TFB1M: variants seen among roughly 807,000 people sequenced by gnomAD.
TFB1M encodes the protein dimethyladenosine transferase 1, mitochondrial.
Under a neutral mutation model 31.1 loss-of-function variants are expected in TFB1M, and 27 were observed. The observed-to-expected ratio is 0.87, with a 90% CI of 0.64 to 1.20. The LOEUF (loss-of-function observed/expected upper bound fraction) is 1.20. Ranked by LOEUF, TFB1M falls within the 50% of genes most tolerant of loss-of-function variation. The pLI is 0.00. For missense variants in TFB1M, 394 were observed against 418.7 expected (o/e 0.94, Z 0.51); for synonymous variants, 166 against 151.8 (o/e 1.09, Z -0.69).
intron 2 of TFB1M, among the ~76,000 whole-genome samples, chr6:155,302,639 C>T (rs1777480396): frequency 6.6e-6 from 1 of 151,990 alleles, no homozygotes; most frequent in African/African-American, 2.4e-5. Flanking sequence ...AATCACATAA[C>T]CACTCGTATC....
chr6:155,300,407 A>G (rs1161197883), intron 2 of TFB1M, among the ~76,000 whole-genome samples: 1 of 152,208 alleles, frequency 6.6e-6, no homozygotes, highest in African/African-American at 2.4e-5. Context: ...CTTGGAAAAT[A>G]TAACGATTTC....
intron 2 of TFB1M, among the ~76,000 whole-genome samples, chr6:155,304,155 G>A (rs75063822): frequency 0.076 from 11,531 of 151,996 alleles, 589 homozygotes; most frequent in East Asian, 0.18. Flanking sequence ...GGTAGCGGGC[G>A]CCTGTAATTC....
intron 5 of TFB1M, among the ~76,000 whole-genome samples, chr6:155,270,667 T>A (rs1252408119): frequency 1.3e-5 from 2 of 152,234 alleles, no homozygotes; most frequent in Admixed American, 6.5e-5. Context: ...TCCAGCCAGC[T>A]TCCTTATGCT....
chr6:155,311,385 T>G (rs779577869), intron 1 of TFB1M, 46 bp from the exon 2 acceptor site: 33 of 1,541,482 alleles, frequency 2.1e-5, no homozygotes, highest in Non-Finnish European at 2.9e-5. Context: ...TTGGCAAATT[T>G]CAACGTATGA....
intron 4 of TFB1M, among the ~76,000 whole-genome samples, chr6:155,289,115 T>A (rs76738299): frequency 1.3e-5 from 2 of 152,072 alleles, no homozygotes; most frequent in African/African-American, 4.8e-5. Flanking sequence ...GGAGAAAAAT[T>A]AGGCTTACAC....
At chr6:155,253,902 T>C (rs1783832257), downstream of TFB1M, 5 of 1,187,310 alleles carry the variant, frequency 4.2e-6, no homozygotes, top group East Asian at 2.5e-5. Flanking sequence ...AGATTTCAAC[T>C]TTACAAGTGT....
At chr6:155,256,070 A>C (rs1190778067), downstream of TFB1M, 1 of 227,308 alleles carries the variant, frequency 4.4e-6, no homozygotes, top group African/African-American at 2.3e-5. Flanking sequence ...AGGGAAATCC[A>C]CAAGGTGAGA....
intron 5 of TFB1M, among the ~76,000 whole-genome samples, chr6:155,282,467 C>G (rs1447696620): frequency 6.6e-6 from 1 of 152,298 alleles, no homozygotes; most frequent in East Asian, 1.9e-4. Context: ...AAAAGAAATT[C>G]TCTATATCTG....
chr6:155,256,892 A>G lies in TFB1M; in HGVS notation c.*944T>C, dbSNP rs748327157. The G allele has an allele frequency of 3.7e-6, 6 of 1,614,218 alleles. No individual in the cohort carries two copies. Among genetic ancestry groups the G allele is most frequent in the Non-Finnish European group, 5.1e-6 (6 of 1,180,032 alleles). ...GGTCAGAAAGGAGGAGAGCAGCCCAAACTGGTCCGGGGGCACTTCTGCCCC... is the reference window on the plus strand; with the variant it reads ...GGTCAGAAAGGAGGAGAGCAGCCCAGACTGGTCCGGGGGCACTTCTGCCCC... On this transcript the variant is annotated 3_prime_UTR_variant, in exon 7 of 7. Coordinates refer to ENST00000367166, the MANE Select transcript of TFB1M (RefSeq NM_016020.4).
At chr6:155,283,375 T>C (rs1290732824) in intron 5 of TFB1M, among the ~76,000 whole-genome samples, 4 of 152,106 alleles carry the variant, frequency 2.6e-5, no homozygotes, top group African/African-American at 9.7e-5. Flanking sequence ...TACAATATAA[T>C]AAAAAAAGTG....
chr6:155,244,054 A>G, the TFB1M span: 1 of 1,614,100 alleles, frequency 6.2e-7, no homozygotes, highest in Non-Finnish European at 8.5e-7. Flanking sequence ...CCACTTCAGA[A>G]TGAGACCTTT....
intron 5 of TFB1M, among the ~76,000 whole-genome samples, chr6:155,284,855 T>C (rs1776552790): frequency 6.6e-6 from 1 of 152,146 alleles, no homozygotes; most frequent in South Asian, 2.1e-4. Flanking sequence ...GGTGACCGTG[T>C]AACTTATCTT....
At chr6:155,308,637 T>A (rs1324209404) in intron 2 of TFB1M, among the ~76,000 whole-genome samples, 1 of 152,208 alleles carries the variant, frequency 6.6e-6, no homozygotes, top group Non-Finnish European at 1.5e-5. Context: ...AGACATGTTT[T>A]TCTTACCTTT....
At chr6:155,251,922 T>A (rs1234163069), downstream of TFB1M, 7 of 1,579,080 alleles carry the variant, frequency 4.4e-6, no homozygotes, top group South Asian at 2.3e-5. Context: ...ATAAAGACTT[T>A]CTTTCTCTTT....
At chr6:155,262,539 A>C (rs2352572) in intron 5 of TFB1M, among the ~76,000 whole-genome samples, 99,741 of 151,950 alleles carry the variant, frequency 0.66, 33,497 homozygotes, top group East Asian at 0.98. Context: ...CCCAGTGACA[A>C]AGAGCCAATT....
At chr6:155,233,995 A>AT in the TFB1M span, among the ~76,000 whole-genome samples, 9,752 of 108,702 alleles carry the variant, frequency 0.09, 537 homozygotes, top group East Asian at 0.3. Flanking sequence ...TTGAGAGAAA[A>AT]TTTTTTTTGG....
intron 5 of TFB1M, among the ~76,000 whole-genome samples, chr6:155,284,037 C>G (rs939964501): frequency 6.6e-6 from 1 of 152,076 alleles, no homozygotes; most frequent in Non-Finnish European, 1.5e-5. Context: ...GAGGTGGCAC[C>G]GATAGCAAGC....
At chr6:155,288,168 T>C (rs1191974388) in intron 4 of TFB1M, among the ~76,000 whole-genome samples, 2 of 152,232 alleles carry the variant, frequency 1.3e-5, no homozygotes, top group Non-Finnish European at 2.9e-5. Context: ...AGAAACTTCC[T>C]ATGGGCAAAG....
the TFB1M span, chr6:155,244,737 C>T: frequency 6.2e-7 from 1 of 1,614,028 alleles, no homozygotes; most frequent in Non-Finnish European, 8.5e-7. Context: ...GATGGGATTT[C>T]AGCATCATCT....
Sources: gnomAD v4.1 joint callset for allele counts (sites outside exome capture counted in the v4.1 genomes callset) on GRCh38, gnomAD v4.1.1 for gene constraint, MANE v1.5 for transcripts, NCBI Gene and HGNC (gene_info 2026-07-23, HGNC 2026-07-21) for gene names.